The following NCALD variants were observed in gnomAD, a reference collection of about 807,000 sequenced individuals.
The protein encoded by NCALD is neurocalcin delta.
A neutral mutation model predicts 18.6 loss-of-function variants in NCALD; 10 were observed. The ratio of observed to expected loss-of-function variants is 0.54; its 90% CI spans 0.33 to 0.91. NCALD has a LOEUF of 0.91. NCALD is among the 40% of genes least tolerant of loss of function. NCALD has a pLI of 0.03. For synonymous variants in NCALD, 88 were observed against 87.4 expected (o/e 1.01, Z -0.04); for missense variants, 184 against 247.6 (o/e 0.74, Z 1.72).
At chr8:101,891,743 AG>A in intron 3 of NCALD, among the ~76,000 whole-genome samples, 1 of 152,314 alleles carries the variant, frequency 6.6e-6, no homozygotes, top group South Asian at 2.1e-4. Context: ...AGTCAAAGAA[AG>A]GGGTGATGGA....
chr8:101,741,959 G>A (rs149583589), intron 1 of NCALD, among the ~76,000 whole-genome samples: 184 of 121,554 alleles, frequency 1.5e-3, no homozygotes, highest in Middle Eastern at 0.011. Flanking sequence ...AAAAAGAAAA[G>A]AAAAAAAAAA....
At chr8:102,046,562 T>G (rs1425610209) in intron 1 of NCALD, among the ~76,000 whole-genome samples, 1 of 152,188 alleles carries the variant, frequency 6.6e-6, no homozygotes, top group Non-Finnish European at 1.5e-5. Flanking sequence ...TGAAGTGTAG[T>G]GGTGAGAGCT....
chr8:101,995,012 T>C (rs1821185508), intron 2 of NCALD, among the ~76,000 whole-genome samples: 1 of 151,984 alleles, frequency 6.6e-6, no homozygotes, highest in Non-Finnish European at 1.5e-5. Flanking sequence ...GAGCCTTGTA[T>C]ATGGTAGGAT....
chr8:101,982,247 G>C (rs1002955175), intron 2 of NCALD, among the ~76,000 whole-genome samples: 2 of 152,088 alleles, frequency 1.3e-5, no homozygotes, highest in Non-Finnish European at 2.9e-5. Context: ...CACAAAAACA[G>C]ACTAACACAC....
At chr8:101,762,727 C>G (rs1033834843) in intron 1 of NCALD, among the ~76,000 whole-genome samples, 1 of 152,118 alleles carries the variant, frequency 6.6e-6, no homozygotes, top group Admixed American at 6.5e-5. Context: ...GCGCTTGCCA[C>G]CACGCCTGGC....
chr8:102,082,870 C>T (rs1478769552), intron 1 of NCALD, among the ~76,000 whole-genome samples: 1 of 152,232 alleles, frequency 6.6e-6, no homozygotes, highest in African/African-American at 2.4e-5. Flanking sequence ...GCCTCTCAGT[C>T]CCTGGCTAAG....
chr8:101,796,945 CT>C (rs1812660072), intron 4 of NCALD, among the ~76,000 whole-genome samples: 1 of 152,184 alleles, frequency 6.6e-6, no homozygotes, highest in African/African-American at 2.4e-5. Context: ...TTCGGAAAGG[CT>C]TATCAAAAAC....
At chr8:101,924,130 T>C (rs1222961626) in intron 2 of NCALD, among the ~76,000 whole-genome samples, 2 of 152,188 alleles carry the variant, frequency 1.3e-5, no homozygotes, top group Non-Finnish European at 2.9e-5. Flanking sequence ...TACCATCATG[T>C]GTATTCTTGC....
intron 1 of NCALD, among the ~76,000 whole-genome samples, chr8:101,750,333 T>C (rs1293979490): frequency 4.6e-5 from 7 of 151,934 alleles, no homozygotes; most frequent in Non-Finnish European, 1.0e-4. Context: ...ACCAAAAGGG[T>C]GGAAGAGGCC....
chr8:101,802,296 C>A (rs933322280), intron 4 of NCALD, among the ~76,000 whole-genome samples: 2 of 152,024 alleles, frequency 1.3e-5, no homozygotes, highest in African/African-American at 4.8e-5. Flanking sequence ...ATTGATTGGC[C>A]TTCCCTCATC....
At chr8:101,949,402 T>C (rs1819301962) in intron 2 of NCALD, among the ~76,000 whole-genome samples, 1 of 152,048 alleles carries the variant, frequency 6.6e-6, no homozygotes, top group Admixed American at 6.6e-5. Flanking sequence ...CTTGTCTCCA[T>C]AGCACTCCAA....
chr8:101,831,492 T>C (rs1466850431), intron 4 of NCALD, among the ~76,000 whole-genome samples: 2 of 152,220 alleles, frequency 1.3e-5, no homozygotes, highest in Non-Finnish European at 2.9e-5. Flanking sequence ...AAAGGGTATT[T>C]GAAATTCTGA....
intron 4 of NCALD, among the ~76,000 whole-genome samples, chr8:101,870,679 A>G (rs1361388494): frequency 1.3e-5 from 2 of 152,184 alleles, no homozygotes; most frequent in Non-Finnish European, 2.9e-5. Flanking sequence ...TACTCAAAGC[A>G]TTGACATAGT....
At chr8:101,791,340 T>C, upstream of NCALD, among the ~76,000 whole-genome samples, 1 of 152,178 alleles carries the variant, frequency 6.6e-6, no homozygotes, top group East Asian at 1.9e-4. Context: ...TGTCTCTCTC[T>C]CTCTCTTTCT....
At chr8:101,902,272 GT>G (rs71268535) in intron 3 of NCALD, among the ~76,000 whole-genome samples, 76,377 of 111,920 alleles carry the variant, frequency 0.68, 23,466 homozygotes, top group Non-Finnish European at 0.75. Flanking sequence ...CATCCACTGA[GT>G]TTTTTTTTTT....
At chr8:102,110,190 G>A (rs1825597279) in intron 1 of NCALD, among the ~76,000 whole-genome samples, 1 of 152,032 alleles carries the variant, frequency 6.6e-6, no homozygotes, top group South Asian at 2.1e-4. Context: ...TGTTTCTCTT[G>A]TTATCACAAC....
intron 4 of NCALD, among the ~76,000 whole-genome samples, chr8:101,800,839 G>A (rs901827476): frequency 3.0e-5 from 4 of 133,894 alleles, no homozygotes; most frequent in Non-Finnish European, 4.8e-5. Flanking sequence ...GAGAGGAGAG[G>A]TGGGGAGGGG....
At position 101,813,423 on chromosome 8, in the gene NCALD, A is replaced by C. The variant is rs112584864; in HGVS notation, c.-20+73718T>G. On this transcript the variant is annotated intron_variant, in intron 4 of 6. Coordinates refer to the NCALD transcript ENST00000311028. ...GAACTGGGCAAACATGGGACAGCTT[A>C]GGGAGGGTTTTGTAAGCCAGTGTAT... 5.7e-3 allele frequency among the ~76,000 whole-genome samples: 871 copies of C among 152,260 alleles called. 10 individuals are homozygous for C. Among genetic ancestry groups the C allele is most frequent in the African/African-American group, 0.018 (763 of 41,562 alleles).
chr8:101,782,594 C>T lies in NCALD; in HGVS notation c.-20+8268G>A, dbSNP rs1363436874. 2.0e-5 allele frequency among the ~76,000 whole-genome samples: 3 copies of T among 152,114 alleles called. No homozygotes were observed. In the East Asian group the frequency reaches 5.8e-4, roughly 29 times the overall value. On this transcript the variant is annotated intron_variant, in intron 1 of 3. Transcript: ENST00000220931. Reference sequence around the variant, plus strand: ...TATAGATTATATATTTTTTCCTTTTCCCAACCATGTTCTTGACTCCAGGTG... The same window carrying T: ...TATAGATTATATATTTTTTCCTTTTTCCAACCATGTTCTTGACTCCAGGTG...
Sources: allele counts gnomAD v4.1 joint callset (sites outside exome capture counted in the v4.1 genomes callset), GRCh38; gene constraint gnomAD v4.1.1; transcripts MANE v1.5; gene names NCBI Gene and HGNC (gene_info 2026-07-23, HGNC 2026-07-21).